Variants in MAP1LC3B observed in about 807,000 individuals in gnomAD.
MAP1LC3B encodes microtubule-associated protein 1 light chain 3 beta.
In MAP1LC3B, 12 loss-of-function variants were observed where a neutral mutation model predicts 16.7. The observed-to-expected ratio is 0.72, with a 90% confidence interval of 0.46 to 1.16. The LOEUF (loss-of-function observed/expected upper bound fraction) is 1.16, where lower values mean the gene tolerates loss of function less well. Among genes scored for constraint, MAP1LC3B ranks in the 50% most tolerant of loss-of-function variants. MAP1LC3B has a pLI of 0.00. For missense variants in MAP1LC3B, 155 were observed against 159.5 expected (o/e 0.97, Z 0.15); for synonymous variants, 63 against 56.5 (o/e 1.11, Z -0.51).
chr16:87,396,498 C>T (rs1352967581), intron 1 of MAP1LC3B, among the ~76,000 whole-genome samples: 3 of 151,974 alleles, frequency 2.0e-5, no homozygotes, highest in Non-Finnish European at 4.4e-5. Context: ...AAATTCTTTC[C>T]CCTCTGCCTG....
intron 1 of MAP1LC3B, chr16:87,396,651 G>A (rs1376571527): frequency 1.3e-5 from 2 of 152,078 alleles, no homozygotes; most frequent in Non-Finnish European, 1.5e-5. Context: ...CACAATGGAC[G>A]TTTTTATTGT....
At position 87,392,352 on chromosome 16, in the gene MAP1LC3B, C is replaced by T. The variant is rs546598476; in HGVS notation, c.-76C>T. 5.4e-5 allele frequency: 73 copies of T among 1,343,570 alleles called. No homozygotes were observed. The highest frequency in any genetic ancestry group is 6.8e-5 in the Non-Finnish European group (71 of 1,047,362). 83.2% of individuals were successfully genotyped at this position (1,343,570 alleles called of 1,614,324 possible). A position where few individuals can be genotyped will look rare whatever the true frequency, so the allele number is the denominator to read the frequency against. ...GCTATCGCCAGAGTCGGATTCGCCGCCGCAGCAGCCGCCGCCCCCGGGAGC... is the reference window on the plus strand; with the variant it reads ...GCTATCGCCAGAGTCGGATTCGCCGTCGCAGCAGCCGCCGCCCCCGGGAGC... On this transcript the variant is annotated 5_prime_UTR_variant, in exon 1 of 4. Coordinates refer to ENST00000268607, the MANE Select transcript of MAP1LC3B (RefSeq NM_022818.5).
At chr16:87,397,400 C>T (rs1043708493) in intron 1 of MAP1LC3B, among the ~76,000 whole-genome samples, 16 of 151,906 alleles carry the variant, frequency 1.1e-4, no homozygotes, top group African/African-American at 3.9e-4. Context: ...GGGCGGATCA[C>T]GAGGTCAGGA....
At chr16:87,399,641 A>G in intron 2 of MAP1LC3B, 1 of 455,732 alleles carries the variant, frequency 2.2e-6, no homozygotes, top group South Asian at 1.6e-5. Flanking sequence ...CGCAGCGTTC[A>G]GTAAACACAG....
In MAP1LC3B at chr16:87,404,114, A is replaced by G. The variant is rs1161100504; in HGVS notation, c.*1017A>G. The G allele has an allele frequency of 2.0e-5, 3 of 152,228 alleles. No homozygotes were observed. Among genetic ancestry groups the G allele is most frequent in the African/African-American group, 4.8e-5 (2 of 41,460 alleles). 9.4% of individuals were successfully genotyped at this position (152,228 alleles called of 1,614,324 possible). A position where few individuals can be genotyped will look rare whatever the true frequency, so the allele number is the denominator to read the frequency against. ...AGTAGTTATCACTCTTAGGTCAGAC[A>G]GCCATCAGAATTCTCCCACACCAAG... On this transcript the variant is annotated 3_prime_UTR_variant, in exon 4 of 4. Coordinates refer to ENST00000268607, the MANE Select transcript of MAP1LC3B (RefSeq NM_022818.5).
chr16:87,399,801 T>A (rs1263895135), intron 2 of MAP1LC3B: 2 of 300,276 alleles, frequency 6.7e-6, no homozygotes, highest in East Asian at 9.1e-5. Flanking sequence ...TGAGACGGAG[T>A]CTTGCTGTGT....
chr16:87,397,309 GT>G (rs1907842172), intron 1 of MAP1LC3B, among the ~76,000 whole-genome samples: 1 of 152,014 alleles, frequency 6.6e-6, no homozygotes, highest in South Asian at 2.1e-4. Context: ...AATTTTAAAA[GT>G]TTTTATAAAG....
intron 2 of MAP1LC3B, among the ~76,000 whole-genome samples, chr16:87,400,886 G>A (rs919807269): frequency 1.3e-5 from 2 of 151,950 alleles, no homozygotes; most frequent in African/African-American, 4.8e-5. Context: ...CTGTATCCCA[G>A]CACTTTGGAA....
rs1209377960 is a variant in MAP1LC3B at position 87,402,507 on chromosome 16, C to T, written c.203+226C>T. 1.8e-5 allele frequency: 10 copies of T among 569,378 alleles called. No homozygotes were observed. The East Asian group carries it at 2.9e-4, about 16-fold the overall frequency. 35.3% of individuals were successfully genotyped at this position (569,378 alleles called of 1,614,324 possible). A position where few individuals can be genotyped will look rare whatever the true frequency, so the allele number is the denominator to read the frequency against. ...GCTAGACTGCAGAGCCCGTTTCTTT[C>T]ATCATAACATCGTTTAGATGTTTCC... On this transcript the variant is annotated intron_variant, in intron 3 of 3. Coordinates refer to ENST00000268607, the MANE Select transcript of MAP1LC3B (RefSeq NM_022818.5).
intron 2 of MAP1LC3B, chr16:87,399,675 A>G (rs962861800): frequency 6.7e-6 from 3 of 447,480 alleles, no homozygotes; most frequent in African/African-American, 2.0e-5. Context: ...TCAGAGGCTC[A>G]TCTGTGGTCA....
intron 1 of MAP1LC3B, among the ~76,000 whole-genome samples, chr16:87,398,366 C>G (rs904173509): frequency 1.3e-5 from 2 of 152,184 alleles, no homozygotes; most frequent in African/African-American, 2.4e-5. Flanking sequence ...CATTAAAAAG[C>G]TGGAAGTGAT....
intron 2 of MAP1LC3B, chr16:87,399,142 G>A (rs963872624): frequency 9.8e-5 from 45 of 457,796 alleles, no homozygotes; most frequent in Non-Finnish European, 1.5e-4. Flanking sequence ...GAGTAGCTCT[G>A]ACTAGAGGCA....
At position 87,403,093 on chromosome 16, in the gene MAP1LC3B, T is replaced by C. The variant is rs139874987; in HGVS notation, c.374T>C (p.Val125Ala). 2.0e-5 allele frequency: 32 copies of C among 1,590,128 alleles called. No homozygotes were observed. The East Asian group carries it at 7.1e-4, about 35-fold the overall frequency. Residue 125 changes from valine (V) to alanine (A), a missense_variant, in exon 4 of 4, where the codon GTG becomes GCG. Val to Ala is a moderately conservative substitution (Grantham distance 64, BLOSUM62 0). Transcript: ENST00000268607. Reference protein sequence around the residue: ...SQETFGMKLSV With the variant: ...SQETFGMKLSA ...GAGACGTTCGGGATGAAATTGTCAG[T>C]GTAAAACCAGAAAAAATGCAGCTCT...
chr16:87,402,905 G>T lies in MAP1LC3B; in HGVS notation c.204-18G>T, dbSNP rs749760292. On this transcript the variant is annotated intron_variant, in intron 3 of 3. Coordinates refer to ENST00000268607, the MANE Select transcript of MAP1LC3B (RefSeq NM_022818.5). ...TGTATTGTTGTCAATATTTCTTCACGTTGTTTTCTTTCAATAGAAGGCGCT... is the reference window on the plus strand; with the variant it reads ...TGTATTGTTGTCAATATTTCTTCACTTTGTTTTCTTTCAATAGAAGGCGCT... 5.0e-6 allele frequency: 8 copies of T among 1,613,366 alleles called. No individual in the cohort carries two copies. In the South Asian group the frequency reaches 6.6e-5, roughly 13 times the overall value.
intron 2 of MAP1LC3B, among the ~76,000 whole-genome samples, chr16:87,401,623 C>G (rs1163925829): frequency 6.6e-6 from 1 of 152,180 alleles, no homozygotes. Context: ...ACCTCCGCCT[C>G]CTAGGTTCAA....
rs773911310 is a variant in MAP1LC3B at position 87,403,974 on chromosome 16, T to G, written c.*877T>G. ...AATAGTATAACTGAAAACATTAACA[T>G]TCAGACACACTCCCTTCTGCCTTCC... On this transcript the variant is annotated 3_prime_UTR_variant, in exon 4 of 4. Coordinates refer to ENST00000268607, the MANE Select transcript of MAP1LC3B (RefSeq NM_022818.5). 2.0e-5 allele frequency: 3 copies of G among 152,150 alleles called. No individual in the cohort carries two copies. Among genetic ancestry groups the G allele is most frequent in the Non-Finnish European group, 4.4e-5 (3 of 68,038 alleles). The allele number at this position is 152,150 out of a possible 1,614,324, so 9.4% of individuals were successfully genotyped here.
intron 1 of MAP1LC3B, among the ~76,000 whole-genome samples, chr16:87,394,010 G>A (rs1017022547): frequency 6.6e-6 from 1 of 152,186 alleles, no homozygotes. Flanking sequence ...CGAAGAGTGG[G>A]TAGTAAGGGT....
In MAP1LC3B at chr16:87,399,812, C is replaced by T. The variant is rs149771206; in HGVS notation, c.96+942C>T. The T allele has an allele frequency of 1.0e-2, 2,909 of 292,128 alleles. 109 individuals carry two copies. Among genetic ancestry groups the T allele is most frequent in the African/African-American group, 0.06 (2,721 of 44,980 alleles). The allele number at this position is 292,128 out of a possible 1,614,324, so 18.1% of individuals were successfully genotyped here. On this transcript the variant is annotated intron_variant, in intron 2 of 3. Coordinates refer to ENST00000268607, the MANE Select transcript of MAP1LC3B (RefSeq NM_022818.5). Reference sequence around the variant, plus strand: ...ATTTTGAGACGGAGTCTTGCTGTGTCGCCCAGGCTGGAGTGTAGTGGCGCG... The same window carrying T: ...ATTTTGAGACGGAGTCTTGCTGTGTTGCCCAGGCTGGAGTGTAGTGGCGCG...
At chr16:87,401,827 G>A (rs1597391403) in intron 2 of MAP1LC3B, among the ~76,000 whole-genome samples, 1 of 150,452 alleles carries the variant, frequency 6.6e-6, no homozygotes, top group Non-Finnish European at 1.5e-5. Context: ...ACCATGCCCA[G>A]CCTGATGACT....
Sources: allele counts gnomAD v4.1 joint callset (sites outside exome capture counted in the v4.1 genomes callset), GRCh38; gene constraint gnomAD v4.1.1; transcripts MANE v1.5; gene names NCBI Gene and HGNC (gene_info 2026-07-23, HGNC 2026-07-21).